Variants in ARHGAP24 observed in about 807,000 individuals in gnomAD.
ARHGAP24 encodes the protein Rho GTPase activating protein 24.
Under a neutral mutation model 76.4 loss-of-function variants are expected in ARHGAP24, and 50 were observed. That is an observed-to-expected ratio of 0.65 (90% CI 0.52 to 0.83). The LOEUF (loss-of-function observed/expected upper bound fraction) is 0.83. ARHGAP24 is among the 40% of genes least tolerant of loss of function. The pLI is 0.00. For missense variants in ARHGAP24, 930 were observed against 914.2 expected, an observed-to-expected ratio of 1.02 and a Z score of -0.22; for synonymous variants, 345 against 323.3, an observed-to-expected ratio of 1.07 and a Z score of -0.72.
intron 1 of ARHGAP24, among the ~76,000 whole-genome samples, chr4:85,535,166 C>T (rs1560523341): frequency 6.6e-6 from 1 of 152,020 alleles, no homozygotes; most frequent in African/African-American, 2.4e-5. Flanking sequence ...TACCCCTATT[C>T]ATTTATTTAT....
chr4:85,842,047 G>C (rs1023015691), intron 3 of ARHGAP24, among the ~76,000 whole-genome samples: 3 of 152,134 alleles, frequency 2.0e-5, no homozygotes, highest in Admixed American at 1.3e-4. Flanking sequence ...GTTATTGCCT[G>C]TTGAATTTGT....
chr4:85,746,043 T>A (rs1726021479), intron 3 of ARHGAP24, among the ~76,000 whole-genome samples: 1 of 152,242 alleles, frequency 6.6e-6, no homozygotes, highest in South Asian at 2.1e-4. Flanking sequence ...GGTAGGTTTT[T>A]ATTTGTTTTG....
chr4:85,939,640 A>C lies in ARHGAP24; in HGVS notation c.392-2426A>C, dbSNP rs377739895. 5.3e-5 allele frequency among the ~76,000 whole-genome samples: 8 copies of C among 152,336 alleles called. No homozygotes were observed. The East Asian group carries it at 1.5e-3, about 29-fold the overall frequency. Reference sequence around the variant, plus strand: ...AACCTGCATGTACAAGAAAGTAAAAAGGAAACCGAATTCACGTCTAAAGCA... The same window carrying C: ...AACCTGCATGTACAAGAAAGTAAAACGGAAACCGAATTCACGTCTAAAGCA... On this transcript the variant is annotated intron_variant, in intron 4 of 9. Transcript: ENST00000395184.
chr4:85,715,364 T>C (rs1724692884), intron 2 of ARHGAP24, among the ~76,000 whole-genome samples: 1 of 152,086 alleles, frequency 6.6e-6, no homozygotes, highest in Admixed American at 6.6e-5. Flanking sequence ...TTGCAAAATA[T>C]GGGCCCAAAA....
At chr4:85,927,833 C>G (rs568633956) in intron 4 of ARHGAP24, among the ~76,000 whole-genome samples, 6 of 152,112 alleles carry the variant, frequency 3.9e-5, no homozygotes, top group African/African-American at 9.7e-5. Context: ...CACATATATG[C>G]AAAATATTCC....
intron 9 of ARHGAP24, chr4:85,999,851 G>T (rs1003099195): frequency 6.6e-6 from 1 of 152,262 alleles, no homozygotes; most frequent in Admixed American, 6.5e-5. Flanking sequence ...GTGAGAATTG[G>T]GGATGGAAAG....
chr4:85,742,309 G>A (rs1725858189), intron 3 of ARHGAP24, among the ~76,000 whole-genome samples: 1 of 152,186 alleles, frequency 6.6e-6, no homozygotes, highest in African/African-American at 2.4e-5. Context: ...ATGGAGAGCG[G>A]GAGAAAATGA....
intron 1 of ARHGAP24, among the ~76,000 whole-genome samples, chr4:85,566,709 C>G (rs757910146): frequency 2.0e-5 from 3 of 152,126 alleles, no homozygotes; most frequent in Non-Finnish European, 4.4e-5. Flanking sequence ...TCCTTGACCT[C>G]GTGAAGCTTA....
At chr4:85,878,341 TA>T (rs1367526437) in intron 3 of ARHGAP24, among the ~76,000 whole-genome samples, 1 of 152,168 alleles carries the variant, frequency 6.6e-6, no homozygotes, top group African/African-American at 2.4e-5. Context: ...CCAGCAAAGC[TA>T]TGTATCCAAT....
intron 2 of ARHGAP24, among the ~76,000 whole-genome samples, chr4:85,644,383 A>G (rs1157186203): frequency 6.6e-6 from 1 of 152,188 alleles, no homozygotes; most frequent in Non-Finnish European, 1.5e-5. Flanking sequence ...CATGGAATTG[A>G]GCAAGTCATT....
chr4:85,894,411 T>C (rs1295663140), intron 3 of ARHGAP24, among the ~76,000 whole-genome samples: 1 of 152,066 alleles, frequency 6.6e-6, no homozygotes, highest in East Asian at 1.9e-4. Flanking sequence ...GAAGTAAGGA[T>C]GGATCCAAGA....
chr4:85,761,108 G>T (rs560118727), intron 3 of ARHGAP24, among the ~76,000 whole-genome samples: 1 of 152,286 alleles, frequency 6.6e-6, no homozygotes, highest in South Asian at 2.1e-4. Flanking sequence ...GCAGGAGGGA[G>T]ACGTTCTCAA....
rs775766860 is a variant in ARHGAP24 at position 85,724,489 on chromosome 4, G to GTA, written c.268+2518_268+2519insAT. 1.6e-3 allele frequency among the ~76,000 whole-genome samples: 212 copies of GTA among 131,414 alleles called. 6 individuals are homozygous for GTA. Among genetic ancestry groups the GTA allele is most frequent in the African/African-American group, 3.2e-3 (107 of 33,298 alleles). 86.2% of individuals were successfully genotyped at this position (131,414 alleles called of 152,430 possible). On this transcript the variant is annotated intron_variant, in intron 3 of 9. Transcript: ENST00000395184. ...GTATGTCCTTATAATTTTTCCATGT[G>GTA]TGTATATATATATATATATATATAT...
chr4:85,741,477 T>G (rs1049237209), intron 3 of ARHGAP24, among the ~76,000 whole-genome samples: 1 of 151,770 alleles, frequency 6.6e-6, no homozygotes, highest in Non-Finnish European at 1.5e-5. Context: ...AACTTCCAGC[T>G]CTCTGAGTAT....
intron 3 of ARHGAP24, among the ~76,000 whole-genome samples, chr4:85,796,497 A>C (rs1171911111): frequency 6.6e-6 from 1 of 152,162 alleles, no homozygotes; most frequent in Non-Finnish European, 1.5e-5. Context: ...ATTTATTAGA[A>C]CATAAAATTG....
chr4:85,680,175 C>A (rs1463000041), intron 2 of ARHGAP24, among the ~76,000 whole-genome samples: 2 of 152,258 alleles, frequency 1.3e-5, no homozygotes, highest in South Asian at 2.1e-4. Context: ...ATGAGCAGTA[C>A]AAGGGAACTT....
At chr4:85,911,792 G>A (rs1735099356) in intron 3 of ARHGAP24, among the ~76,000 whole-genome samples, 1 of 152,172 alleles carries the variant, frequency 6.6e-6, no homozygotes, top group Admixed American at 6.5e-5. Flanking sequence ...TGATTATTGG[G>A]AGTCACAGTT....
intron 1 of ARHGAP24, among the ~76,000 whole-genome samples, chr4:85,517,372 A>G (rs997349598): frequency 3.4e-5 from 5 of 148,446 alleles, no homozygotes; most frequent in African/African-American, 1.2e-4. Context: ...GGACATTTTT[A>G]TGACTCCTTG....
At chr4:85,615,209 C>T (rs1158828527) in intron 2 of ARHGAP24, among the ~76,000 whole-genome samples, 1 of 152,006 alleles carries the variant, frequency 6.6e-6, no homozygotes, top group African/African-American at 2.4e-5. Flanking sequence ...TTTGTGCATG[C>T]AGTTTGTATA....
Sources: allele counts gnomAD v4.1 joint callset (sites outside exome capture counted in the v4.1 genomes callset), GRCh38; gene constraint gnomAD v4.1.1; transcripts MANE v1.5; gene names NCBI Gene and HGNC (gene_info 2026-07-23, HGNC 2026-07-21).